Variants in CACNA2D3 observed in about 807,000 individuals in gnomAD.
CACNA2D3 encodes the protein voltage-dependent calcium channel subunit alpha-2/delta-3.
A neutral mutation model predicts 160.6 loss-of-function variants in CACNA2D3; 60 were observed. The ratio of observed to expected loss-of-function variants is 0.37; its 90% CI spans 0.30 to 0.46. The LOEUF (loss-of-function observed/expected upper bound fraction) is 0.46. CACNA2D3 is among the 20% of genes least tolerant of loss of function. The pLI, the probability that CACNA2D3 is intolerant of heterozygous loss-of-function variation, is 1.00. For missense variants in CACNA2D3, 1,205 were observed against 1,365.0 expected (o/e 0.88, Z 1.85); for synonymous variants, 558 against 492.9 (o/e 1.13, Z -1.75).
intron 31 of CACNA2D3, among the ~76,000 whole-genome samples, chr3:55,002,043 C>G (rs1057147666): frequency 1.3e-5 from 2 of 151,848 alleles, no homozygotes; most frequent in African/African-American, 4.8e-5. Flanking sequence ...GTAGTCCCAA[C>G]TACTCGGGAG....
chr3:54,434,292 G>C (rs561712943), intron 4 of CACNA2D3, among the ~76,000 whole-genome samples: 11 of 152,256 alleles, frequency 7.2e-5, no homozygotes, highest in Admixed American at 7.2e-4. Flanking sequence ...CATCAAGACT[G>C]AATACGGCGA....
chr3:54,421,906 C>G (rs1699841276), intron 4 of CACNA2D3, among the ~76,000 whole-genome samples: 1 of 152,144 alleles, frequency 6.6e-6, no homozygotes, highest in Admixed American at 6.5e-5. Context: ...GTGTTTCCAA[C>G]AGCAGGTGGG....
intron 3 of CACNA2D3, among the ~76,000 whole-genome samples, chr3:54,366,440 G>A (rs1000380596): frequency 3.3e-5 from 5 of 152,164 alleles, no homozygotes; most frequent in Admixed American, 2.0e-4. Flanking sequence ...TATCCCCAGG[G>A]CTAGAAAATA....
rs142838988 is a variant in CACNA2D3 at position 54,903,628 on chromosome 3, G to A, written c.2449+3760G>A. Among the ~76,000 whole-genome samples the A allele has an allele frequency of 4.5e-3, 680 of 152,234 alleles. 3 individuals carry two copies. The highest frequency in any genetic ancestry group is 0.01 in the Middle Eastern group (3 of 294). On this transcript the variant is annotated intron_variant, in intron 27 of 37. Coordinates refer to ENST00000474759, the MANE Select transcript of CACNA2D3 (RefSeq NM_018398.3). The stretch of plus-strand genomic sequence containing the variant: ...TCTGTTTCCAGCTCTTTAAGGAATC[G>A]CAACACTGTTTTCTACAATGGCTGA...
rs547222504 is a variant in CACNA2D3 at position 55,021,629 on chromosome 3, A to G, written c.2987+3312A>G. Reference sequence around the variant, plus strand: ...TATATATATATATGTGTGTGTGTATATATATATATATATATGTGTATATAT... The same window carrying G: ...TATATATATATATGTGTGTGTGTATGTATATATATATATATGTGTATATAT... On this transcript the variant is annotated intron_variant, in intron 35 of 37. Coordinates refer to ENST00000474759, the MANE Select transcript of CACNA2D3 (RefSeq NM_018398.3). Among the ~76,000 whole-genome samples the G allele has an allele frequency of 9.8e-3, 1,267 of 128,960 alleles. 24 individuals carry two copies. The highest frequency in any genetic ancestry group is 0.031 in the African/African-American group (1,060 of 34,218). The allele number at this position is 128,960 out of a possible 152,430, so 84.6% of individuals were successfully genotyped here. A position where few individuals can be genotyped will look rare whatever the true frequency, so the allele number is the denominator to read the frequency against.
At position 54,983,497 on chromosome 3, in the gene CACNA2D3, G is replaced by A. The variant is rs184072852; in HGVS notation, c.2557-1111G>A. ...CTTCAAATAGCAAAGCTGTGAACAG[G>A]TTACTCAAGTAATTCATCTGATCCC... is the stretch of plus-strand genomic sequence containing the variant. On this transcript the variant is annotated intron_variant, in intron 29 of 37. Transcript: ENST00000474759. Among the ~76,000 whole-genome samples, 53 of 152,284 alleles carry A rather than the reference G, an allele frequency of 3.5e-4. 1 individual carries two copies. In the Middle Eastern group the frequency reaches 0.017, roughly 49 times the overall value.
chr3:54,257,017 T>A (rs778021962), intron 2 of CACNA2D3, among the ~76,000 whole-genome samples: 1 of 152,140 alleles, frequency 6.6e-6, no homozygotes, highest in Non-Finnish European at 1.5e-5. Flanking sequence ...TAGCAGGGTC[T>A]ACTTATGACC....
chr3:54,723,489 G>C (rs1575441650), intron 11 of CACNA2D3, among the ~76,000 whole-genome samples: 1 of 152,310 alleles, frequency 6.6e-6, no homozygotes, highest in East Asian at 1.9e-4. Flanking sequence ...TGGCTACCCA[G>C]TTTTGTGCTT....
intron 17 of CACNA2D3, among the ~76,000 whole-genome samples, chr3:54,865,587 G>A (rs1240005480): frequency 1.3e-5 from 2 of 152,232 alleles, no homozygotes; most frequent in African/African-American, 2.4e-5. Context: ...GGCCCCTCTG[G>A]CCTTCGCCTT....
intron 5 of CACNA2D3, among the ~76,000 whole-genome samples, chr3:54,561,302 G>A (rs1702321256): frequency 6.6e-6 from 1 of 152,142 alleles, no homozygotes; most frequent in Non-Finnish European, 1.5e-5. Flanking sequence ...TCCCTAGTTA[G>A]CTATATTTCT....
chr3:55,058,797 G>T (rs2107217529), intron 35 of CACNA2D3, among the ~76,000 whole-genome samples: 1 of 152,210 alleles, frequency 6.6e-6, no homozygotes, highest in South Asian at 2.1e-4. Context: ...ACATGCTCAG[G>T]CTCTGAGGCC....
chr3:54,400,576 C>T (rs1182381297), intron 4 of CACNA2D3, among the ~76,000 whole-genome samples: 1 of 152,186 alleles, frequency 6.6e-6, no homozygotes. Context: ...TTTGCTACCA[C>T]CACCACTGCC....
chr3:54,601,073 T>G (rs1000524886), intron 9 of CACNA2D3, among the ~76,000 whole-genome samples: 1 of 152,226 alleles, frequency 6.6e-6, no homozygotes, highest in African/African-American at 2.4e-5. Context: ...CACACTATGC[T>G]GGAGGAGACT....
chr3:54,803,544 A>G (rs969360295), intron 13 of CACNA2D3, among the ~76,000 whole-genome samples: 9 of 152,200 alleles, frequency 5.9e-5, no homozygotes, highest in Non-Finnish European at 1.2e-4. Context: ...TCCAAGAAAT[A>G]TGGGACTATG....
chr3:54,544,531 G>A (rs1702030794), intron 5 of CACNA2D3, among the ~76,000 whole-genome samples: 1 of 152,064 alleles, frequency 6.6e-6, no homozygotes, highest in South Asian at 2.1e-4. Context: ...AACCTCCCAA[G>A]TAGCTAGAAG....
At chr3:54,295,887 T>C (rs556462464) in intron 2 of CACNA2D3, among the ~76,000 whole-genome samples, 70 of 152,354 alleles carry the variant, frequency 4.6e-4, no homozygotes, top group African/African-American at 1.7e-3. Context: ...AGCTTAACTT[T>C]TCCCTTTGGC....
At chr3:55,015,545 G>A (rs1275140796) in intron 34 of CACNA2D3, among the ~76,000 whole-genome samples, 1 of 152,078 alleles carries the variant, frequency 6.6e-6, no homozygotes, top group African/African-American at 2.4e-5. Flanking sequence ...TATAACCTAA[G>A]CTATTGTATA....
At chr3:54,855,420 C>T (rs551407703) in intron 17 of CACNA2D3, among the ~76,000 whole-genome samples, 2 of 152,212 alleles carry the variant, frequency 1.3e-5, no homozygotes, top group South Asian at 4.1e-4. Flanking sequence ...TTTCCAAGAG[C>T]CTCTTTACTA....
At chr3:55,037,171 A>G (rs1006246293) in intron 35 of CACNA2D3, among the ~76,000 whole-genome samples, 6 of 147,262 alleles carry the variant, frequency 4.1e-5, no homozygotes, top group African/African-American at 1.6e-4. Flanking sequence ...AAGACAAAAG[A>G]AGAAGAAACC....
Sources: allele counts gnomAD v4.1 joint callset (sites outside exome capture counted in the v4.1 genomes callset), GRCh38; gene constraint gnomAD v4.1.1; transcripts MANE v1.5; gene names NCBI Gene and HGNC (gene_info 2026-07-23, HGNC 2026-07-21).